Variants in ASCC2 observed in about 807,000 individuals in gnomAD.
ASCC2 encodes ASC-1 complex subunit P100.
ASCC2 carries 42 observed loss-of-function variants against 93.5 expected under a neutral mutation model. The ratio of observed to expected loss-of-function variants is 0.45; its 90% confidence interval spans 0.35 to 0.58. ASCC2 has a LOEUF of 0.58. Among genes scored for constraint, ASCC2 ranks in the 20% least tolerant of loss-of-function variants. ASCC2 has a pLI of 0.00. For missense variants in ASCC2, 859 were observed against 977.6 expected (o/e 0.88, Z 1.62); for synonymous variants, 364 against 384.2 (o/e 0.95, Z 0.62).
intron 2 of ASCC2, among the ~76,000 whole-genome samples, chr22:29,829,143 C>G (rs2062808389): frequency 6.6e-6 from 1 of 151,474 alleles, no homozygotes; most frequent in Non-Finnish European, 1.5e-5. Flanking sequence ...GCCACTGCAC[C>G]CCAGCCTGGG....
At chr22:29,790,660 G>T (rs2057611581) in intron 18 of ASCC2, 112 bp from the exon 19 acceptor site, 5 of 1,134,026 alleles carry the variant, frequency 4.4e-6, no homozygotes, top group Non-Finnish European at 3.9e-6. Flanking sequence ...CCAGGTGTGG[G>T]GGGAAGCTGC....
chr22:29,810,857 A>C (rs1462885139), intron 8 of ASCC2, among the ~76,000 whole-genome samples: 2 of 152,146 alleles, frequency 1.3e-5, no homozygotes, highest in Middle Eastern at 3.4e-3. Context: ...CAGCCTCCCG[A>C]ATAGCTGGAA....
chr22:29,813,575 C>T lies in ASCC2; in HGVS notation c.721-33G>A, dbSNP rs778373111. On this transcript the variant is annotated intron_variant, in intron 7 of 19. Coordinates refer to ENST00000307790, the MANE Select transcript of ASCC2 (RefSeq NM_032204.5). Reference sequence around the variant, plus strand: ...CAAAAGAATACACTGCATTATTCTCCTCTGTCCACACATACAGATCTGCAG... The same window carrying T: ...CAAAAGAATACACTGCATTATTCTCTTCTGTCCACACATACAGATCTGCAG... 22 of 1,394,590 alleles carry T rather than the reference C, an allele frequency of 1.6e-5. No individual in the cohort carries two copies. In the East Asian group the frequency reaches 3.4e-4, roughly 22 times the overall value. The allele number at this position is 1,394,590 out of a possible 1,614,324, so 86.4% of individuals were successfully genotyped here.
intron 4 of ASCC2, among the ~76,000 whole-genome samples, chr22:29,823,828 C>G (rs1040112161): frequency 7.3e-6 from 1 of 136,394 alleles, no homozygotes; most frequent in East Asian, 2.1e-4. Flanking sequence ...GCCTGGGCAA[C>G]AAGAGTGAAA....
At chr22:29,827,810 G>GACACAC (rs1333749764) in intron 2 of ASCC2, among the ~76,000 whole-genome samples, 1 of 36,022 alleles carries the variant, frequency 2.8e-5, no homozygotes, top group Non-Finnish European at 5.4e-5. Flanking sequence ...TACTCATTCT[G>GACACAC]ACACACACAC....
At chr22:29,816,183 C>G in intron 5 of ASCC2, 110 bp from the exon 6 acceptor site, 1 of 890,816 alleles carries the variant, frequency 1.1e-6, no homozygotes, top group Non-Finnish European at 1.8e-6. Flanking sequence ...CTCCCTTTTC[C>G]TAATCCTATC....
chr22:29,791,811 C>T (rs1411958718), intron 18 of ASCC2, among the ~76,000 whole-genome samples: 2 of 152,044 alleles, frequency 1.3e-5, no homozygotes, highest in East Asian at 3.8e-4. Context: ...GTGCTTGCAC[C>T]GAGGAGCCCC....
chr22:29,793,966 T>G (rs180867584), intron 15 of ASCC2, among the ~76,000 whole-genome samples: 13 of 151,648 alleles, frequency 8.6e-5, no homozygotes, highest in African/African-American at 3.1e-4. Flanking sequence ...TGGCACGATC[T>G]CGGCTCACTG....
intron 15 of ASCC2, among the ~76,000 whole-genome samples, chr22:29,798,657 C>T (rs2058724469): frequency 6.6e-6 from 1 of 152,224 alleles, no homozygotes; most frequent in Admixed American, 6.5e-5. Flanking sequence ...CTACCATCTG[C>T]AGCGTCCTAC....
intron 13 of ASCC2, among the ~76,000 whole-genome samples, chr22:29,803,660 AG>A (rs2059356323): frequency 6.6e-6 from 1 of 152,334 alleles, no homozygotes; most frequent in Non-Finnish European, 1.5e-5. Context: ...TTTTTAAGTA[AG>A]GGGCATGCAT....
At chr22:29,795,181 C>T (rs2058280223) in intron 15 of ASCC2, among the ~76,000 whole-genome samples, 1 of 152,034 alleles carries the variant, frequency 6.6e-6, no homozygotes, top group Non-Finnish European at 1.5e-5. Flanking sequence ...CTTGCCTCAA[C>T]CTCCCAAAGT....
chr22:29,806,011 T>C lies in ASCC2; in HGVS notation c.1160+205A>G, dbSNP rs6006264. Among the ~76,000 whole-genome samples, 159 of 152,120 alleles carry C rather than the reference T, an allele frequency of 1.0e-3. 2 individuals are homozygous for C. Among genetic ancestry groups the C allele is most frequent in the African/African-American group, 3.8e-3 (156 of 41,502 alleles). ...AGGAAACACAGACGGAAAATAGCAC[T>C]GCATCTCCCCTGCCCCAAGCATCAG... is the stretch of plus-strand genomic sequence containing the variant. On this transcript the variant is annotated intron_variant, in intron 12 of 19. Transcript: ENST00000307790.
At chr22:29,793,961 C>T (rs775334214) in intron 15 of ASCC2, among the ~76,000 whole-genome samples, 5 of 151,456 alleles carry the variant, frequency 3.3e-5, no homozygotes, top group East Asian at 2.0e-4. Context: ...TGCAGTGGCA[C>T]GATCTCGGCT....
chr22:29,807,664 T>C (rs1186986430), intron 9 of ASCC2, among the ~76,000 whole-genome samples: 4 of 152,140 alleles, frequency 2.6e-5, no homozygotes, highest in Admixed American at 1.3e-4. Context: ...AGAGAACATA[T>C]ATTTTTTTTA....
At chr22:29,802,762 G>A (rs1454030506) in intron 13 of ASCC2, among the ~76,000 whole-genome samples, 1 of 151,868 alleles carries the variant, frequency 6.6e-6, no homozygotes, top group South Asian at 2.1e-4. Context: ...GGGCAACACA[G>A]TGAAACCCTG....
At chr22:29,823,512 G>A (rs1479143124) in intron 4 of ASCC2, among the ~76,000 whole-genome samples, 1 of 152,226 alleles carries the variant, frequency 6.6e-6, no homozygotes, top group Admixed American at 6.5e-5. Context: ...GTTGATAATT[G>A]TTGAAGGGTA....
At position 29,836,846 on chromosome 22, in the gene ASCC2, C is replaced by T. The variant is rs986854988; in HGVS notation, c.-18+1332G>A. ...GGGATTACAGGCATGAGTCACTGCC[C>T]GGCCATTCAAATATTTTTGAACACC... On this transcript the variant is annotated intron_variant, in intron 1 of 19. Coordinates refer to ENST00000307790, the MANE Select transcript of ASCC2 (RefSeq NM_032204.5). 3.5e-4 allele frequency among the ~76,000 whole-genome samples: 53 copies of T among 152,170 alleles called. 2 individuals carry two copies. The highest frequency in any genetic ancestry group is 7.3e-5 in the Non-Finnish European group (5 of 68,030).
intron 7 of ASCC2, 89 bp from the exon 8 acceptor site, chr22:29,813,631 G>A: frequency 1.2e-6 from 1 of 859,084 alleles, no homozygotes; most frequent in Non-Finnish European, 1.9e-6. Context: ...AACAGTCAGG[G>A]TCCCAAACAG....
chr22:29,796,632 C>T (rs2058476242), intron 15 of ASCC2, among the ~76,000 whole-genome samples: 1 of 152,110 alleles, frequency 6.6e-6, no homozygotes, highest in Non-Finnish European at 1.5e-5. Context: ...TTCACATCCA[C>T]CAGGGAAGGG....
Sources: allele counts gnomAD v4.1 joint callset (sites outside exome capture counted in the v4.1 genomes callset), GRCh38; gene constraint gnomAD v4.1.1; transcripts MANE v1.5; gene names NCBI Gene and HGNC (gene_info 2026-07-23, HGNC 2026-07-21).